The following RERG variants were observed in gnomAD, a reference collection of about 807,000 sequenced individuals.
The protein encoded by RERG is ras-related and estrogen-regulated growth inhibitor.
In RERG, 25 loss-of-function variants were observed where a neutral mutation model predicts 23.2. The observed-to-expected ratio is 1.08, with a 90% CI of 0.79 to 1.50. The LOEUF (loss-of-function observed/expected upper bound fraction) is 1.50, where lower values mean the gene tolerates loss of function less well. Among genes scored for constraint, RERG ranks in the 40% most tolerant of loss-of-function variants. The pLI is 0.00. For synonymous variants in RERG, 81 were observed against 89.1 expected (o/e 0.91, Z 0.51); for missense variants, 253 against 250.1 (o/e 1.01, Z -0.08).
chr12:15,209,135 AG>A, intron 2 of RERG, among the ~76,000 whole-genome samples: 1 of 152,244 alleles, frequency 6.6e-6, no homozygotes, highest in Admixed American at 6.5e-5. Flanking sequence ...GCGGACAGCC[AG>A]AGAATTCACC....
intron 2 of RERG, among the ~76,000 whole-genome samples, chr12:15,160,875 A>T (rs569623086): frequency 4.0e-5 from 6 of 151,076 alleles, no homozygotes; most frequent in Non-Finnish European, 7.4e-5. Flanking sequence ...AATGGCTCCC[A>T]CCTGTAATCC....
intron 2 of RERG, among the ~76,000 whole-genome samples, chr12:15,129,657 A>G (rs1331375367): frequency 6.6e-6 from 1 of 152,040 alleles, no homozygotes; most frequent in South Asian, 2.1e-4. Flanking sequence ...AGCAGAGAGA[A>G]GGGGCCAAGA....
intron 2 of RERG, among the ~76,000 whole-genome samples, chr12:15,177,093 C>T (rs904425487): frequency 2.6e-5 from 4 of 152,260 alleles, no homozygotes; most frequent in South Asian, 4.1e-4. Context: ...ATGCATAATC[C>T]TTTGTCAACA....
At chr12:15,211,904 C>G (rs1455738431) in intron 2 of RERG, among the ~76,000 whole-genome samples, 1 of 151,994 alleles carries the variant, frequency 6.6e-6, no homozygotes, top group Non-Finnish European at 1.5e-5. Flanking sequence ...CTAGTTGGGT[C>G]CTCAAGGAGG....
At chr12:15,119,090 G>T (rs926115974) in intron 3 of RERG, among the ~76,000 whole-genome samples, 31 of 152,152 alleles carry the variant, frequency 2.0e-4, no homozygotes, top group African/African-American at 7.5e-4. Context: ...AGCCTCCAGT[G>T]TGAGAGAATT....
At chr12:15,128,934 G>C (rs1349069377) in intron 2 of RERG, among the ~76,000 whole-genome samples, 1 of 152,024 alleles carries the variant, frequency 6.6e-6, no homozygotes, top group Non-Finnish European at 1.5e-5. Context: ...TTGTTCCTGG[G>C]TCTTCTATCA....
At chr12:15,207,433 G>A (rs1297468451) in intron 2 of RERG, among the ~76,000 whole-genome samples, 5 of 152,010 alleles carry the variant, frequency 3.3e-5, no homozygotes, top group Admixed American at 1.3e-4. Flanking sequence ...AATGGCATAC[G>A]TTAAAAACAA....
Position 15,221,234 on chromosome 12 carries a change from G to C in RERG, c.-154C>G, listed in dbSNP as rs1034654753. On this transcript the variant is annotated 5_prime_UTR_variant, in exon 1 of 5. Coordinates refer to ENST00000256953, the MANE Select transcript of RERG (RefSeq NM_032918.3). ...CAGGCCAGGAGAGCTACGGTCCTCT[G>C]CAAGTTCGGAATGGGTCCCCCAAGA... is the stretch of plus-strand genomic sequence containing the variant. The C allele has an allele frequency of 6.6e-6, 1 of 152,330 alleles. No homozygotes were observed. The highest frequency in any genetic ancestry group is 2.4e-5 in the African/African-American group (1 of 41,458). 9.4% of individuals were successfully genotyped at this position (152,330 alleles called of 1,614,324 possible).
chr12:15,159,910 T>C (rs988479934), intron 2 of RERG, among the ~76,000 whole-genome samples: 1 of 151,950 alleles, frequency 6.6e-6, no homozygotes, highest in African/African-American at 2.4e-5. Flanking sequence ...TGGAAAAGGG[T>C]GAGATTTAAT....
chr12:15,150,561 C>T (rs964316032), intron 2 of RERG, among the ~76,000 whole-genome samples: 3 of 152,102 alleles, frequency 2.0e-5, no homozygotes, highest in African/African-American at 4.8e-5. Flanking sequence ...TGATAACTAA[C>T]ATTTATGTTC....
intron 2 of RERG, among the ~76,000 whole-genome samples, chr12:15,132,102 A>G (rs927930712): frequency 6.6e-6 from 1 of 152,186 alleles, no homozygotes; most frequent in African/African-American, 2.4e-5. Context: ...TATGACATGA[A>G]CATCTTTTTG....
intron 2 of RERG, among the ~76,000 whole-genome samples, chr12:15,154,491 G>T (rs543710766): frequency 1.3e-5 from 2 of 152,322 alleles, no homozygotes; most frequent in South Asian, 4.1e-4. Context: ...AATCAGAAAA[G>T]AATCAGGGAT....
Position 15,221,383 on chromosome 12 carries a change from C to T in RERG, c.-303G>A, listed in dbSNP as rs1469445856. 6.6e-6 allele frequency: 1 copy of T among 152,262 alleles called. No homozygotes were observed. Among genetic ancestry groups the T allele is most frequent in the Non-Finnish European group, 1.5e-5 (1 of 68,062 alleles). The allele number at this position is 152,262 out of a possible 1,614,324, so 9.4% of individuals were successfully genotyped here. ...CAGTGGCCCGGCGGGGGTCTCCTCA[C>T]TCGCGCTCGCTCCGACTAGCGGCGG... On this transcript the variant is annotated 5_prime_UTR_variant, in exon 1 of 5. The change creates a new upstream start codon in the 5' untranslated region. Transcript: ENST00000256953.
chr12:15,138,110 A>T (rs572834834), intron 2 of RERG: 1 of 246,254 alleles, frequency 4.1e-6, no homozygotes. Flanking sequence ...TGCTTGCATA[A>T]TTTCTGAGGA....
chr12:15,181,372 G>C (rs564919396), intron 2 of RERG, among the ~76,000 whole-genome samples: 11 of 152,246 alleles, frequency 7.2e-5, no homozygotes, highest in South Asian at 2.1e-4. Context: ...TTCTTTCTTT[G>C]TTTGTGTTCA....
At position 15,110,463 on chromosome 12, in the gene RERG, C is replaced by CTTTTTTTTTTT. The variant is rs869218147; in HGVS notation, c.192+870_192+880dup. On this transcript the variant is annotated intron_variant, in intron 4 of 4. Coordinates refer to ENST00000256953, the MANE Select transcript of RERG (RefSeq NM_032918.3). ...CTGTCATTCCAGTGGCCATTTTTTT[C>CTTTTTTTTTTT]TTTTTTTTTTTTTTTTTTTTTTTTT... is the stretch of plus-strand genomic sequence containing the variant. 4.0e-3 allele frequency among the ~76,000 whole-genome samples: 289 copies of CTTTTTTTTTTT among 73,144 alleles called. 68 individuals are homozygous for CTTTTTTTTTTT. Among genetic ancestry groups the CTTTTTTTTTTT allele is most frequent in the African/African-American group, 9.2e-3 (154 of 16,782 alleles). 48.0% of individuals were successfully genotyped at this position (73,144 alleles called of 152,430 possible).
At chr12:15,128,835 C>G (rs1309073810) in intron 2 of RERG, among the ~76,000 whole-genome samples, 6 of 152,178 alleles carry the variant, frequency 3.9e-5, no homozygotes, top group African/African-American at 1.4e-4. Context: ...CTCACCTGCA[C>G]CTCGAGCAAC....
At chr12:15,189,531 T>C (rs1457272158) in intron 2 of RERG, among the ~76,000 whole-genome samples, 1 of 152,172 alleles carries the variant, frequency 6.6e-6, no homozygotes, top group East Asian at 1.9e-4. Flanking sequence ...TCTCATCAGT[T>C]TTCCCCATTA....
chr12:15,122,610 T>A (rs1380886976), intron 2 of RERG, among the ~76,000 whole-genome samples: 1 of 152,254 alleles, frequency 6.6e-6, no homozygotes, highest in Non-Finnish European at 1.5e-5. Context: ...CTTGTGGTTT[T>A]ATCTGCAGTC....
Sources: allele counts gnomAD v4.1 joint callset (sites outside exome capture counted in the v4.1 genomes callset), GRCh38; gene constraint gnomAD v4.1.1; transcripts MANE v1.5; gene names NCBI Gene and HGNC (gene_info 2026-07-23, HGNC 2026-07-21).